Variants in PHACTR1 observed in about 807,000 individuals in gnomAD.
PHACTR1 encodes the protein phosphatase and actin regulator 1.
Under a neutral mutation model 69.2 loss-of-function variants are expected in PHACTR1, and 16 were observed. The ratio of observed to expected loss-of-function variants is 0.23; its 90% CI spans 0.16 to 0.35. The LOEUF is 0.35. Among genes scored for constraint, PHACTR1 ranks in the 10% least tolerant of loss-of-function variants. PHACTR1 has a pLI of 1.00. For missense variants in PHACTR1, 510 were observed against 734.7 expected, an observed-to-expected ratio of 0.69 and a Z score of 3.54; for synonymous variants, 312 against 284.5, an observed-to-expected ratio of 1.10 and a Z score of -0.97.
intron 5 of PHACTR1, among the ~76,000 whole-genome samples, chr6:13,133,440 C>T (rs1036118685): frequency 4.0e-5 from 6 of 151,790 alleles, no homozygotes; most frequent in East Asian, 1.9e-4. Context: ...ATTGCAGGCG[C>T]GCGCCGCCAC....
At chr6:13,017,677 C>G (rs1800386482) in intron 4 of PHACTR1, among the ~76,000 whole-genome samples, 2 of 152,070 alleles carry the variant, frequency 1.3e-5, no homozygotes, top group Admixed American at 6.6e-5. Context: ...ATTTCATACA[C>G]ATTTCTGTGT....
intron 10 of PHACTR1, among the ~76,000 whole-genome samples, chr6:13,242,663 A>G (rs1773021525): frequency 6.6e-6 from 1 of 152,246 alleles, no homozygotes; most frequent in Non-Finnish European, 1.5e-5. Context: ...TTGAGAAAAC[A>G]GACTCAAAAA....
At chr6:12,928,599 C>T in intron 4 of PHACTR1, among the ~76,000 whole-genome samples, 1 of 135,316 alleles carries the variant, frequency 7.4e-6, no homozygotes, top group Non-Finnish European at 1.5e-5. Context: ...TTCCATCTGT[C>T]CATCCACCCA....
chr6:13,105,576 T>G (rs1815992282), intron 5 of PHACTR1, among the ~76,000 whole-genome samples: 1 of 152,100 alleles, frequency 6.6e-6, no homozygotes, highest in Admixed American at 6.6e-5. Context: ...AAGGCATGGT[T>G]GTGGTCCCTA....
intron 3 of PHACTR1, among the ~76,000 whole-genome samples, chr6:12,743,185 G>T (rs1765284882): frequency 1.2e-5 from 1 of 86,488 alleles, no homozygotes; most frequent in African/African-American, 4.2e-5. Context: ...AGTCTAAATT[G>T]CAGGAAAAAA....
intron 4 of PHACTR1, among the ~76,000 whole-genome samples, chr6:12,981,863 A>T (rs921660863): frequency 6.6e-6 from 1 of 152,194 alleles, no homozygotes; most frequent in Non-Finnish European, 1.5e-5. Flanking sequence ...CTTTATTCCC[A>T]GGGTCTAGAT....
At chr6:13,183,305 C>T (rs1182931078) in intron 7 of PHACTR1, among the ~76,000 whole-genome samples, 2 of 152,148 alleles carry the variant, frequency 1.3e-5, no homozygotes, top group Admixed American at 6.5e-5. Flanking sequence ...AAATAGGTCC[C>T]TCCTGACAGC....
At chr6:13,282,727 G>A (rs978456997) in intron 12 of PHACTR1, among the ~76,000 whole-genome samples, 3 of 150,334 alleles carry the variant, frequency 2.0e-5, no homozygotes, top group Admixed American at 1.3e-4. Context: ...GAAAGCACTC[G>A]ATGTGACACA....
Position 13,176,741 on chromosome 6 carries a change from T to C in PHACTR1, c.497-5778T>C, listed in dbSNP as rs143115759. Among the ~76,000 whole-genome samples, 3 of 152,312 alleles carry C rather than the reference T, an allele frequency of 2.0e-5. No individual in the cohort carries two copies. The East Asian group carries it at 5.8e-4, about 29-fold the overall frequency. The stretch of plus-strand genomic sequence containing the variant: ...CTGGTTTTAAAGTTTTATTTTTAGT[T>C]TTTGGATCTGTGTGAAATGTATTGC... On this transcript the variant is annotated intron_variant, in intron 6 of 14. Transcript: ENST00000332995.
intron 4 of PHACTR1, among the ~76,000 whole-genome samples, chr6:12,996,922 T>C (rs972177740): frequency 2.0e-5 from 3 of 152,228 alleles, no homozygotes; most frequent in Admixed American, 6.5e-5. Flanking sequence ...TCCCAGCACC[T>C]TGGGAGGCCA....
At position 13,018,156 on chromosome 6, in the gene PHACTR1, C is replaced by G. The variant is rs139699834; in HGVS notation, c.251-35209C>G. ...TGACTGTAGAGTTCATCCATTGAGA[C>G]AGCCTTTTAGGAGAGAATGCCCTGT... On this transcript the variant is annotated intron_variant, in intron 4 of 14. Coordinates refer to ENST00000332995, the MANE Select transcript of PHACTR1 (RefSeq NM_030948.6). 2.6e-5 allele frequency among the ~76,000 whole-genome samples: 4 copies of G among 152,320 alleles called. No homozygotes were observed. In the South Asian group the frequency reaches 6.2e-4, roughly 24 times the overall value.
intron 4 of PHACTR1, among the ~76,000 whole-genome samples, chr6:13,020,533 T>C (rs1329660949): frequency 2.6e-5 from 4 of 152,134 alleles, no homozygotes; most frequent in African/African-American, 4.8e-5. Flanking sequence ...CAGCAGGTCA[T>C]GTAGGACAAG....
chr6:13,125,479 C>G (rs1819390444), intron 5 of PHACTR1, among the ~76,000 whole-genome samples: 1 of 152,006 alleles, frequency 6.6e-6, no homozygotes, highest in Admixed American at 6.6e-5. Flanking sequence ...TGGAAGAAAC[C>G]TATTGAAAAG....
At chr6:12,754,817 T>G (rs1192500661) in intron 4 of PHACTR1, among the ~76,000 whole-genome samples, 1 of 152,244 alleles carries the variant, frequency 6.6e-6, no homozygotes, top group African/African-American at 2.4e-5. Flanking sequence ...ATATAACAAC[T>G]ATTTACGTAG....
In PHACTR1 at chr6:13,278,290, G is replaced by A. The variant is rs1171907799; in HGVS notation, c.1470G>A (p.Gln490=). 5 of 1,599,348 alleles carry A rather than the reference G, an allele frequency of 3.1e-6. No homozygotes were observed. Residue 490 remains glutamine (Q), a synonymous_variant, in exon 12 of 15, where the codon CAG becomes CAA. Coordinates refer to ENST00000332995, the MANE Select transcript of PHACTR1 (RefSeq NM_030948.6). ...TAGCTCGGAATGAACAAGAGGAACA[G>A]GAGGAGAAGAGAGAGATCAAGAGGA... ...ILKPRNEQEE[Q]EEKREIKRRL...
chr6:13,040,729 G>A (rs1329455503), intron 4 of PHACTR1, among the ~76,000 whole-genome samples: 1 of 152,216 alleles, frequency 6.6e-6, no homozygotes, highest in Non-Finnish European at 1.5e-5. Context: ...TAAATTTGGA[G>A]TCAGGAAATC....
chr6:13,130,389 G>C (rs1330060380), intron 5 of PHACTR1, among the ~76,000 whole-genome samples: 1 of 151,996 alleles, frequency 6.6e-6, no homozygotes, highest in Admixed American at 6.6e-5. Flanking sequence ...TCTTTGAAAA[G>C]ATAAACAAAT....
At position 12,749,880 on chromosome 6, in the gene PHACTR1, C is replaced by T. The variant is rs536376919; in HGVS notation, c.250+90C>T. The T allele has an allele frequency of 6.4e-5, 80 of 1,246,908 alleles. 1 individual carries two copies. The East Asian group carries it at 9.0e-4, about 14-fold the overall frequency. 77.2% of individuals were successfully genotyped at this position (1,246,908 alleles called of 1,614,324 possible). A position where few individuals can be genotyped will look rare whatever the true frequency, so the allele number is the denominator to read the frequency against. ...CCCCCGCCCCTCCCGGGCGTCCTCC[C>T]CGCCGCCCCCCGCAGTCGGGCGCTC... On this transcript the variant is annotated intron_variant, in intron 4 of 14. Coordinates refer to ENST00000332995, the MANE Select transcript of PHACTR1 (RefSeq NM_030948.6).
intron 10 of PHACTR1, among the ~76,000 whole-genome samples, chr6:13,234,055 C>T (rs377037979): frequency 3.9e-5 from 6 of 152,220 alleles, no homozygotes; most frequent in African/African-American, 1.2e-4. Context: ...TTTGAGGTAG[C>T]ACAGCCATTA....
Sources: allele counts gnomAD v4.1 joint callset (sites outside exome capture counted in the v4.1 genomes callset), GRCh38; gene constraint gnomAD v4.1.1; transcripts MANE v1.5; gene names NCBI Gene and HGNC (gene_info 2026-07-23, HGNC 2026-07-21).